NARS2: variants seen among roughly 807,000 people sequenced by gnomAD.
The protein encoded by NARS2 is asparaginyl-tRNA synthetase.
A neutral mutation model predicts 62.9 loss-of-function variants in NARS2; 60 were observed. The observed-to-expected ratio is 0.95, with a 90% confidence interval of 0.77 to 1.18. NARS2 has a LOEUF of 1.18. Ranked by LOEUF, NARS2 falls within the 50% of genes most tolerant of loss-of-function variation. The pLI, the probability that NARS2 is intolerant of heterozygous loss-of-function variation, is 0.00. For synonymous variants in NARS2, 196 were observed against 200.0 expected, an observed-to-expected ratio of 0.98 and a Z score of 0.17; for missense variants, 619 against 576.4, an observed-to-expected ratio of 1.07 and a Z score of -0.76.
chr11:78,524,148 C>T (rs1861221275), intron 6 of NARS2, among the ~76,000 whole-genome samples: 1 of 151,740 alleles, frequency 6.6e-6, no homozygotes, highest in Non-Finnish European at 1.5e-5. Context: ...AAAATAAGGC[C>T]CATTAGCCCC....
At chr11:78,553,450 G>A (rs112539951) in intron 5 of NARS2, among the ~76,000 whole-genome samples, 3,461 of 152,028 alleles carry the variant, frequency 0.023, 126 homozygotes, top group African/African-American at 0.079. Flanking sequence ...CACCATGCCC[G>A]GCTAATGTTT....
intron 1 of NARS2, among the ~76,000 whole-genome samples, chr11:78,572,168 C>G (rs540374646): frequency 6.6e-6 from 1 of 152,100 alleles, no homozygotes; most frequent in African/African-American, 2.4e-5. Context: ...GGTGACAGAG[C>G]AAGACTCCAT....
At chr11:78,521,343 T>C (rs1156516186) in intron 6 of NARS2, among the ~76,000 whole-genome samples, 1 of 151,810 alleles carries the variant, frequency 6.6e-6, no homozygotes, top group Non-Finnish European at 1.5e-5. Context: ...GGTTTTTTTG[T>C]TTGTTTGTTT....
At position 78,574,720 on chromosome 11, in the gene NARS2, A is replaced by C. The variant is rs1247311092; in HGVS notation, c.-232T>G. 2.6e-5 allele frequency: 13 copies of C among 505,088 alleles called. No individual in the cohort carries two copies. The highest frequency in any genetic ancestry group is 4.2e-5 in the Non-Finnish European group (12 of 288,130). The allele number at this position is 505,088 out of a possible 1,614,324, so 31.3% of individuals were successfully genotyped here. On this transcript the variant is annotated 5_prime_UTR_variant, in exon 1 of 14. Transcript: ENST00000281038. ...GGCGGAATGGACAGGACACTAGGCA[A>C]ACGCCAGAAAGAAACCACGTGCAGT...
chr11:78,465,333 G>A (rs887293268), intron 11 of NARS2, among the ~76,000 whole-genome samples: 11 of 152,354 alleles, frequency 7.2e-5, no homozygotes, highest in African/African-American at 2.6e-4. Flanking sequence ...GCCTTGGCCA[G>A]CCCAGAAAGG....
chr11:78,571,562 A>T, intron 1 of NARS2, 118 bp from the exon 2 acceptor site: 1 of 654,854 alleles, frequency 1.5e-6, no homozygotes, highest in Non-Finnish European at 2.7e-6. Context: ...CAACAAATCA[A>T]CTTCTTTTAG....
chr11:78,563,575 G>A (rs985006854), intron 4 of NARS2, among the ~76,000 whole-genome samples: 20 of 150,604 alleles, frequency 1.3e-4, no homozygotes, highest in East Asian at 4.2e-4. Flanking sequence ...GCTCACGCCC[G>A]CAATCCCAGC....
At chr11:78,538,099 TG>T (rs1855438559) in intron 5 of NARS2, among the ~76,000 whole-genome samples, 1 of 152,220 alleles carries the variant, frequency 6.6e-6, no homozygotes, top group Non-Finnish European at 1.5e-5. Flanking sequence ...GGGGTATCCA[TG>T]CTCTATATGC....
intron 12 of NARS2, among the ~76,000 whole-genome samples, chr11:78,442,859 C>G (rs766788763): frequency 6.6e-6 from 1 of 152,108 alleles, no homozygotes; most frequent in Non-Finnish European, 1.5e-5. Context: ...AAATCAAGAC[C>G]CTTACATAGA....
intron 12 of NARS2, among the ~76,000 whole-genome samples, chr11:78,443,412 A>C (rs1397791719): frequency 6.6e-6 from 1 of 152,012 alleles, no homozygotes; most frequent in African/African-American, 2.4e-5. Context: ...TTAAAAAGCT[A>C]CTTTCCATAG....
At chr11:78,493,650 T>C (rs1348822389) in intron 6 of NARS2, among the ~76,000 whole-genome samples, 1 of 150,732 alleles carries the variant, frequency 6.6e-6, no homozygotes, top group Non-Finnish European at 1.5e-5. Context: ...AGTGAGATCC[T>C]GTCTCAATAA....
chr11:78,473,198 C>T (rs905581356), intron 9 of NARS2, among the ~76,000 whole-genome samples: 3 of 152,240 alleles, frequency 2.0e-5, no homozygotes, highest in African/African-American at 7.2e-5. Flanking sequence ...TCACCAGTTT[C>T]TCTCTCTTCC....
rs56279811 is a variant in NARS2 at position 78,493,253 on chromosome 11, T to TA, written c.690-59dup. 0.78 allele frequency: 1,198,114 copies of TA among 1,526,986 alleles called. 475,351 individuals carry two copies. Among genetic ancestry groups the TA allele is most frequent in the Non-Finnish European group, 0.82 (920,454 of 1,119,622 alleles). The allele number at this position is 1,526,986 out of a possible 1,614,324, so 94.6% of individuals were successfully genotyped here. A position where few individuals can be genotyped will look rare whatever the true frequency, so the allele number is the denominator to read the frequency against. On this transcript the variant is annotated intron_variant, in intron 6 of 13. Transcript: ENST00000281038. ...ATTCACATGATTAATTTTAAGTATTTAAATATTCAGTGAGCTCTTACGGAA... is the reference window on the plus strand; with the variant it reads ...ATTCACATGATTAATTTTAAGTATTTAAAATATTCAGTGAGCTCTTACGGAA...
intron 12 of NARS2, 59 bp from the exon 13 acceptor site, chr11:78,441,176 T>C (rs533803604): frequency 4.7e-6 from 7 of 1,476,666 alleles, no homozygotes; most frequent in African/African-American, 2.8e-5. Context: ...TATTAACCAC[T>C]AGACATTTAT....
At chr11:78,438,093 C>T (rs977133396) in intron 13 of NARS2, among the ~76,000 whole-genome samples, 3 of 151,904 alleles carry the variant, frequency 2.0e-5, no homozygotes, top group African/African-American at 7.3e-5. Context: ...CTTGTAGCCA[C>T]TTGGTTCCTC....
At chr11:78,506,906 G>A (rs1463556938) in intron 6 of NARS2, among the ~76,000 whole-genome samples, 2 of 152,194 alleles carry the variant, frequency 1.3e-5, no homozygotes, top group East Asian at 1.9e-4. Flanking sequence ...GGCTTATACA[G>A]TAAATTGTAG....
chr11:78,532,875 T>C (rs867894796), intron 5 of NARS2, among the ~76,000 whole-genome samples: 2 of 152,230 alleles, frequency 1.3e-5, no homozygotes, highest in Admixed American at 6.5e-5. Context: ...ATCAGCATTG[T>C]ATTAAAAATG....
At chr11:78,558,786 C>A (rs1204176261) in intron 5 of NARS2, among the ~76,000 whole-genome samples, 1 of 152,044 alleles carries the variant, frequency 6.6e-6, no homozygotes, top group East Asian at 1.9e-4. Context: ...TAAATCAGTT[C>A]TTATGAAAAA....
chr11:78,458,209 C>A (rs550458783), intron 11 of NARS2, among the ~76,000 whole-genome samples: 1 of 152,118 alleles, frequency 6.6e-6, no homozygotes, highest in Admixed American at 6.6e-5. Flanking sequence ...TATACATACA[C>A]CAAAATACCA....
Sources: gnomAD v4.1 joint callset for allele counts (sites outside exome capture counted in the v4.1 genomes callset) on GRCh38, gnomAD v4.1.1 for gene constraint, MANE v1.5 for transcripts, NCBI Gene and HGNC (gene_info 2026-07-23, HGNC 2026-07-21) for gene names.